ATG7: variants seen among roughly 807,000 people sequenced by gnomAD.
ATG7 encodes ubiquitin-like modifier-activating enzyme ATG7.
In ATG7, 70 loss-of-function variants were observed where a neutral mutation model predicts 82.4. The observed-to-expected ratio is 0.85, with a 90% CI of 0.70 to 1.04. ATG7 has a LOEUF of 1.04. ATG7 is among the 50% of genes least tolerant of loss of function. The probability of loss-of-function intolerance (pLI) is 0.00; values close to 1 mark genes in which losing one functional copy is unlikely to be tolerated. For synonymous variants in ATG7, 287 were observed against 313.0 expected (o/e 0.92, Z 0.88); for missense variants, 792 against 864.3 (o/e 0.92, Z 1.05).
chr3:11,364,867 G>T, intron 18 of ATG7, 133 bp downstream of exon 18: 1 of 879,474 alleles, frequency 1.1e-6, no homozygotes, highest in South Asian at 1.7e-5. Flanking sequence ...TTCAATGGGA[G>T]AGCTTTCTGA....
chr3:11,477,178 C>A, intron 20 of ATG7: 1 of 1,289,494 alleles, frequency 7.8e-7, no homozygotes, highest in South Asian at 1.2e-5. Flanking sequence ...AGAGGCAGAA[C>A]ATAAACAAAT....
chr3:11,308,957 G>A (rs762726985), intron 6 of ATG7, 27 bp from the exon 7 acceptor site: 1 of 1,599,926 alleles, frequency 6.3e-7, no homozygotes, highest in African/African-American at 1.3e-5. Flanking sequence ...CTGGTAACCT[G>A]CCTTGATGCT....
intron 20 of ATG7, among the ~76,000 whole-genome samples, chr3:11,508,557 G>T (rs1213154644): frequency 6.6e-6 from 1 of 152,154 alleles, no homozygotes; most frequent in Non-Finnish European, 1.5e-5. Flanking sequence ...CTGGGCTCAG[G>T]TGATCCTCCT....
chr3:11,469,446 C>A, intron 20 of ATG7, among the ~76,000 whole-genome samples: 1 of 150,456 alleles, frequency 6.6e-6, no homozygotes, highest in Admixed American at 6.6e-5. Flanking sequence ...CAAAACTCCA[C>A]CTCAAAAAAA....
intron 1 of ATG7, among the ~76,000 whole-genome samples, chr3:11,273,302 A>G (rs1940931203): frequency 6.6e-6 from 1 of 151,736 alleles, no homozygotes; most frequent in Admixed American, 6.6e-5. Flanking sequence ...ACCTCTGCCC[A>G]CTGGCCAGAT....
At chr3:11,328,182 T>C (rs923869981) in intron 9 of ATG7, among the ~76,000 whole-genome samples, 2 of 152,248 alleles carry the variant, frequency 1.3e-5, no homozygotes, top group Non-Finnish European at 2.9e-5. Flanking sequence ...TTAGTAGCTC[T>C]ATGTATGTGC....
intron 18 of ATG7, among the ~76,000 whole-genome samples, chr3:11,378,424 C>G (rs1052362657): frequency 6.6e-6 from 1 of 150,764 alleles, no homozygotes. Flanking sequence ...GGCTCACGCC[C>G]GTAACCCCAG....
At position 11,373,136 on chromosome 3, in the gene ATG7, G is replaced by A. The variant is rs148558280; in HGVS notation, c.1876-6836G>A. Among the ~76,000 whole-genome samples, 7 of 151,092 alleles carry A rather than the reference G, an allele frequency of 4.6e-5. No homozygotes were observed. The East Asian group carries it at 1.4e-3, about 29-fold the overall frequency. On this transcript the variant is annotated intron_variant, in intron 18 of 20. Coordinates refer to ENST00000693202, the MANE Select transcript of ATG7 (RefSeq NM_001349232.2). Reference sequence around the variant, plus strand: ...ACTGACAACAAATAGGAGAACAAGAGTTGAGAGTAAGCTGTGTGAGACTTA... The same window carrying A: ...ACTGACAACAAATAGGAGAACAAGAATTGAGAGTAAGCTGTGTGAGACTTA...
chr3:11,445,135 G>C (rs1396049481), intron 20 of ATG7, among the ~76,000 whole-genome samples: 1 of 152,202 alleles, frequency 6.6e-6, no homozygotes, highest in East Asian at 1.9e-4. Context: ...GTTGTAGAAA[G>C]CAGTGTGGAG....
rs2092127948 is a variant in ATG7, at chr3:11,512,927, A to G, written c.2080-41884A>G. On this transcript the variant is annotated intron_variant, in intron 20 of 20. Coordinates refer to ENST00000693202, the MANE Select transcript of ATG7 (RefSeq NM_001349232.2). ...GTTTACAATCCCTGAGCTAGACACA[A>G]AAGTTCTCCAAGTCCCCACTAGATT... Among the ~76,000 whole-genome samples the G allele has an allele frequency of 2.6e-5, 4 of 152,106 alleles. No homozygotes were observed. The South Asian group carries it at 6.2e-4, about 24-fold the overall frequency.
chr3:11,435,780 TTAAG>T lies in ATG7; in HGVS notation c.2079+8859_2079+8862del, dbSNP rs554073975. Among the ~76,000 whole-genome samples, 21 of 152,336 alleles carry T rather than the reference TTAAG, an allele frequency of 1.4e-4. No homozygotes were observed. In the South Asian group the frequency reaches 3.7e-3, roughly 27 times the overall value. ...ATTCCTACTCCTCACAATTACCATA[TTAAG>T]TAAGAAGGCACCTTACAAAAGAAAA... On this transcript the variant is annotated intron_variant, in intron 20 of 20. Transcript: ENST00000693202.
At chr3:11,272,968 G>C (rs112861271) in intron 1 of ATG7, among the ~76,000 whole-genome samples, 2,899 of 152,290 alleles carry the variant, frequency 0.019, 50 homozygotes, top group Middle Eastern at 0.054. Flanking sequence ...AATCCGGTAA[G>C]GTAAATATAG....
At chr3:11,482,518 C>T (rs2089123940) in intron 20 of ATG7, among the ~76,000 whole-genome samples, 1 of 152,166 alleles carries the variant, frequency 6.6e-6, no homozygotes, top group South Asian at 2.1e-4. Context: ...TGTCACCCTT[C>T]CCTTCCTCCT....
chr3:11,310,903 A>G (rs1948561901), intron 7 of ATG7, among the ~76,000 whole-genome samples: 1 of 152,202 alleles, frequency 6.6e-6, no homozygotes, highest in African/African-American at 2.4e-5. Flanking sequence ...AAGTGCTGGG[A>G]TTACAGGCAT....
chr3:11,531,061 T>C (rs1054749818), intron 20 of ATG7, among the ~76,000 whole-genome samples: 7 of 152,218 alleles, frequency 4.6e-5, no homozygotes, highest in African/African-American at 1.7e-4. Flanking sequence ...CACAGGACTA[T>C]GGAGTCGGCA....
intron 20 of ATG7, among the ~76,000 whole-genome samples, chr3:11,479,778 T>G (rs1181206156): frequency 6.6e-6 from 1 of 152,238 alleles, no homozygotes; most frequent in Non-Finnish European, 1.5e-5. Flanking sequence ...GGTTGGTTTT[T>G]AATAAACCCA....
At chr3:11,528,300 T>C (rs1034344199) in intron 20 of ATG7, among the ~76,000 whole-genome samples, 5 of 152,182 alleles carry the variant, frequency 3.3e-5, no homozygotes, top group African/African-American at 1.2e-4. Context: ...CCCAGGTTTA[T>C]TGAAGTCATA....
At chr3:11,459,818 T>A (rs989984572) in intron 20 of ATG7, among the ~76,000 whole-genome samples, 2 of 152,218 alleles carry the variant, frequency 1.3e-5, no homozygotes, top group African/African-American at 4.8e-5. Flanking sequence ...TTTTACTAGT[T>A]GTTTGGTAGA....
intron 11 of ATG7, among the ~76,000 whole-genome samples, chr3:11,335,518 A>G (rs1952308349): frequency 2.0e-5 from 3 of 152,212 alleles, no homozygotes; most frequent in Non-Finnish European, 4.4e-5. Context: ...TTAGCTAAAA[A>G]GTAATGTGGG....
Sources: allele counts gnomAD v4.1 joint callset (sites outside exome capture counted in the v4.1 genomes callset), GRCh38; gene constraint gnomAD v4.1.1; transcripts MANE v1.5; gene names NCBI Gene and HGNC (gene_info 2026-07-23, HGNC 2026-07-21).